BCR: variants seen among roughly 807,000 people sequenced by gnomAD.
BCR encodes BCR activator of RhoGEF and GTPase, also known as breakpoint cluster region protein.
Under a neutral mutation model 138.6 loss-of-function variants are expected in BCR, and 58 were observed. The observed-to-expected ratio is 0.42, with a 90% CI of 0.34 to 0.52. The LOEUF is 0.52. Ranked by LOEUF, BCR falls within the 20% of genes least tolerant of loss-of-function variation. The pLI is 0.06. For synonymous variants in BCR, 786 were observed against 730.1 expected (o/e 1.08, Z -1.23); for missense variants, 1,599 against 1,727.2 (o/e 0.93, Z 1.32).
At chr22:23,235,806 C>A (rs1168173990) in intron 1 of BCR, among the ~76,000 whole-genome samples, 1 of 152,170 alleles carries the variant, frequency 6.6e-6, no homozygotes, top group East Asian at 1.9e-4. Flanking sequence ...TCTTAGCCAT[C>A]TTCTTGCTGT....
chr22:23,254,674 CAG>C, intron 2 of BCR: 1 of 490,912 alleles, frequency 2.0e-6, no homozygotes, highest in Non-Finnish European at 4.1e-6. Context: ...TCCCACAGCT[CAG>C]GGGGCTGCTT....
At chr22:23,287,121 C>T (rs1444717251) in intron 10 of BCR, 38 bp from the exon 11 acceptor site, 1 of 1,564,674 alleles carries the variant, frequency 6.4e-7, no homozygotes, top group Non-Finnish European at 8.7e-7. Context: ...GTGTGGAGCG[C>T]TGGAATGGGA....
At chr22:23,197,769 G>A (rs1001661158) in intron 1 of BCR, among the ~76,000 whole-genome samples, 4 of 152,118 alleles carry the variant, frequency 2.6e-5, no homozygotes, top group Non-Finnish European at 5.9e-5. Flanking sequence ...AAAAGTGTGT[G>A]TGATGGTCCA....
At chr22:23,261,724 G>T in intron 4 of BCR, 184 bp downstream of exon 4, 1 of 459,892 alleles carries the variant, frequency 2.2e-6, no homozygotes, top group South Asian at 4.4e-5. Context: ...GAGCCGCCAT[G>T]CCCAGCCTTT....
At chr22:23,280,543 G>A (rs1405340267) in intron 8 of BCR, among the ~76,000 whole-genome samples, 1 of 152,220 alleles carries the variant, frequency 6.6e-6, no homozygotes, top group Non-Finnish European at 1.5e-5. Flanking sequence ...GCAGGTCGCA[G>A]TTTCATTTAA....
intron 1 of BCR, among the ~76,000 whole-genome samples, chr22:23,221,770 C>T (rs573884539): frequency 1.3e-5 from 2 of 152,212 alleles, no homozygotes; most frequent in South Asian, 2.1e-4. Context: ...GGACAGCTTT[C>T]GGGAGGGTGG....
At chr22:23,226,904 A>G (rs2072900670) in intron 1 of BCR, among the ~76,000 whole-genome samples, 1 of 152,196 alleles carries the variant, frequency 6.6e-6, no homozygotes, top group Admixed American at 6.5e-5. Flanking sequence ...CAGAAGTCCT[A>G]TAGGTTTGGG....
At chr22:23,182,278 G>A (rs759322122) in intron 1 of BCR, 39 bp downstream of exon 1, 11 of 1,494,208 alleles carry the variant, frequency 7.4e-6, no homozygotes, top group Non-Finnish European at 9.8e-6. Flanking sequence ...ACACCTGCAC[G>A]GGGGAGGAAA....
At chr22:23,274,063 T>TA (rs138024581) in intron 8 of BCR, among the ~76,000 whole-genome samples, 3,032 of 152,240 alleles carry the variant, frequency 0.02, 48 homozygotes, top group African/African-American at 0.032. Flanking sequence ...CCTTTTTTTT[T>TA]ATCCCCCACA....
In BCR at chr22:23,287,171, G is replaced by A. The variant is rs917192247; in HGVS notation, c.2419G>A (p.Gly807Ser). The A allele has an allele frequency of 1.3e-6, 2 of 1,578,396 alleles. No homozygotes were observed. Among genetic ancestry groups the A allele is most frequent in the Non-Finnish European group, 1.7e-6 (2 of 1,161,364 alleles). ...CATCTCCCCACAGAGGGCGAACAAGGGCAGCAAGGCTACGGAGAGGCTGAA... is the reference window on the plus strand; with the variant it reads ...CATCTCCCCACAGAGGGCGAACAAGAGCAGCAAGGCTACGGAGAGGCTGAA... ...DIQREKRANK[G>S]SKATERLKKK... is the part of the protein sequence containing the mutation. Residue 807 changes from glycine to serine, a missense_variant, in exon 11 of 23, where the codon GGC becomes AGC. Gly to Ser is a moderately conservative substitution (Grantham distance 56). This residue lies in a region of BCR where 590 missense variants were observed against 762.4 expected (regional missense o/e 0.77). Transcript: ENST00000305877.
intron 1 of BCR, among the ~76,000 whole-genome samples, chr22:23,224,994 A>G (rs1449971390): frequency 6.7e-6 from 1 of 148,750 alleles, no homozygotes; most frequent in Non-Finnish European, 1.5e-5. Flanking sequence ...TGGCTCGGAG[A>G]CAGCCACCGA....
At position 23,182,208 on chromosome 22, in the gene BCR, C is replaced by A. The variant is rs746063214; in HGVS notation, c.1248C>A (p.Asn416Lys). The A allele has an allele frequency of 6.3e-7, 1 of 1,585,006 alleles. No individual in the cohort carries two copies. Among genetic ancestry groups the A allele is most frequent in the South Asian group, 1.1e-5 (1 of 89,864 alleles). Reference sequence around the variant, plus strand: ...GCAAGACCGGGCAGATCTGGCCCAACGATGGCGAGGGCGCCTTCCATGGAG... The same window carrying A: ...GCAAGACCGGGCAGATCTGGCCCAAAGATGGCGAGGGCGCCTTCCATGGAG... ...GVRKTGQIWPNDGEGAFHGDA... is the reference protein window; with the variant it reads ...GVRKTGQIWPKDGEGAFHGDA... The change falls in exon 1 of 23, where the codon AAC (asparagine) becomes AAA (lysine). Residue 416 changes from asparagine (N) to lysine (K), a missense_variant. Physicochemically the swap from Asn to Lys is moderately conservative, Grantham distance 94. Around this residue, in one of 4 missense-constraint regions of BCR, gnomAD observed 806 missense variants for 635.0 expected, o/e 1.27. Coordinates refer to ENST00000305877, the MANE Select transcript of BCR (RefSeq NM_004327.4).
At chr22:23,242,628 T>TGGTC (rs1357022389) in intron 1 of BCR, among the ~76,000 whole-genome samples, 1 of 152,202 alleles carries the variant, frequency 6.6e-6, no homozygotes, top group East Asian at 1.9e-4. Context: ...AAGGCTCTGT[T>TGGTC]GGTCGCATTC....
At chr22:23,281,187 G>A (rs1309264632) in intron 8 of BCR, among the ~76,000 whole-genome samples, 6 of 152,224 alleles carry the variant, frequency 3.9e-5, no homozygotes, top group Admixed American at 1.3e-4. Context: ...CCATGGCCCC[G>A]GGGAGCCAAA....
intron 4 of BCR, among the ~76,000 whole-genome samples, chr22:23,265,424 T>A (rs1007763641): frequency 1.3e-5 from 2 of 152,224 alleles, no homozygotes; most frequent in African/African-American, 4.8e-5. Flanking sequence ...GTTTCCGGGT[T>A]GGACAAGTCT....
At chr22:23,297,081 AGGCT>A (rs576356603) in intron 16 of BCR, among the ~76,000 whole-genome samples, 4 of 152,262 alleles carry the variant, frequency 2.6e-5, no homozygotes, top group African/African-American at 9.6e-5. Flanking sequence ...TGTGTCTCCC[AGGCT>A]GGCGTGCAAT....
rs746356186 is a variant in BCR, at chr22:23,261,319, TCTCACCTGTGCTAC to T, written c.1567-30_1567-17del. 3 of 1,592,712 alleles carry T rather than the reference TCTCACCTGTGCTAC, an allele frequency of 1.9e-6. No individual in the cohort carries two copies. The East Asian group carries it at 6.7e-5, about 36-fold the overall frequency. On this transcript the variant is annotated intron_variant, in intron 3 of 22. Coordinates refer to ENST00000305877, the MANE Select transcript of BCR (RefSeq NM_004327.4). ...AATGCACCTGACGGATGGCAGCCCC[TCTCACCTGTGCTAC>T]CTCACTTGTGCCCTCTTCCAGCCCA...
At chr22:23,257,977 G>A (rs2073312805) in intron 2 of BCR, among the ~76,000 whole-genome samples, 1 of 152,172 alleles carries the variant, frequency 6.6e-6, no homozygotes, top group African/African-American at 2.4e-5. Flanking sequence ...GCTAGACAGG[G>A]AAGTTCCTAG....
intron 1 of BCR, among the ~76,000 whole-genome samples, chr22:23,212,923 T>C (rs2072703353): frequency 6.6e-6 from 1 of 152,294 alleles, no homozygotes; most frequent in Admixed American, 6.5e-5. Context: ...TGCAGAAAAC[T>C]TGGCAATGTG....
Sources: allele counts gnomAD v4.1 joint callset (sites outside exome capture counted in the v4.1 genomes callset), GRCh38; gene constraint gnomAD v4.1.1; regional missense constraint gnomAD v4.1.1; transcripts MANE v1.5; gene names NCBI Gene and HGNC (gene_info 2026-07-23, HGNC 2026-07-21).